The following TPRG1 variants were observed in gnomAD, a reference collection of about 807,000 sequenced individuals.
TPRG1 encodes tumor protein p63-regulated gene 1 protein.
In TPRG1, 29 loss-of-function variants were observed where a neutral mutation model predicts 29.3. The ratio of observed to expected loss-of-function variants is 0.99; its 90% CI spans 0.74 to 1.35. The LOEUF (loss-of-function observed/expected upper bound fraction) is 1.35, where lower values mean the gene tolerates loss of function less well. Ranked by LOEUF, TPRG1 falls within the 40% of genes most tolerant of loss-of-function variation. The pLI, the probability that TPRG1 is intolerant of heterozygous loss-of-function variation, is 0.00. For missense variants in TPRG1, 327 were observed against 335.0 expected (o/e 0.98, Z 0.19); for synonymous variants, 130 against 116.8 (o/e 1.11, Z -0.73).
chr3:189,308,233 C>T (rs116621879), intron 4 of TPRG1, among the ~76,000 whole-genome samples: 486 of 152,276 alleles, frequency 3.2e-3, no homozygotes, highest in African/African-American at 0.011. Context: ...CCCATAGTCA[C>T]GCAATGTTAA....
At chr3:189,317,646 C>G (rs1296172915) in intron 5 of TPRG1, among the ~76,000 whole-genome samples, 1 of 152,202 alleles carries the variant, frequency 6.6e-6, no homozygotes, top group Non-Finnish European at 1.5e-5. Flanking sequence ...GACCCCTCTG[C>G]CTGATCCTAT....
intron 3 of TPRG1, among the ~76,000 whole-genome samples, chr3:189,237,336 T>G (rs1739670388): frequency 6.6e-6 from 1 of 151,964 alleles, no homozygotes; most frequent in African/African-American, 2.4e-5. Flanking sequence ...GGGTTGGTGC[T>G]CAGCCTACTC....
chr3:189,294,596 C>T (rs114342541), intron 4 of TPRG1, among the ~76,000 whole-genome samples: 3,893 of 152,142 alleles, frequency 0.026, 68 homozygotes, highest in Non-Finnish European at 0.04. Flanking sequence ...GGGTGTGTAT[C>T]GCAGGGGGAA....
intron 1 of TPRG1, among the ~76,000 whole-genome samples, chr3:189,205,123 A>G (rs546156149): frequency 2.5e-4 from 38 of 152,294 alleles, no homozygotes; most frequent in Admixed American, 8.5e-4. Context: ...TACTGGGGGC[A>G]TGGTTGGGAG....
intron 4 of TPRG1, among the ~76,000 whole-genome samples, chr3:189,065,699 A>G (rs1716393467): frequency 6.6e-6 from 1 of 152,154 alleles, no homozygotes; most frequent in Non-Finnish European, 1.5e-5. Flanking sequence ...ACTGTAGCTA[A>G]TATCATACTT....
intron 4 of TPRG1, among the ~76,000 whole-genome samples, chr3:189,250,501 T>TCCCC (rs1347491782): frequency 2.3e-4 from 7 of 31,030 alleles, no homozygotes; most frequent in Non-Finnish European, 4.1e-4. Context: ...AGTTCTGATT[T>TCCCC]CCGCCCCCCC....
chr3:189,014,368 G>A (rs1035514981), intron 3 of TPRG1, among the ~76,000 whole-genome samples: 8 of 152,130 alleles, frequency 5.3e-5, no homozygotes, highest in Non-Finnish European at 8.8e-5. Flanking sequence ...GGTTTCCACT[G>A]AAAGGCCTAC....
chr3:189,105,960 CGATG>C (rs1560449734), intron 1 of TPRG1, among the ~76,000 whole-genome samples: 2 of 151,944 alleles, frequency 1.3e-5, no homozygotes, highest in African/African-American at 4.8e-5. Context: ...AATACCTAGG[CGATG>C]GGTTGACAGG....
At chr3:189,225,305 G>A (rs1737564314) in intron 3 of TPRG1, among the ~76,000 whole-genome samples, 2 of 152,090 alleles carry the variant, frequency 1.3e-5, no homozygotes, top group African/African-American at 2.4e-5. Context: ...TTATACCAAG[G>A]TAATAAAGTC....
intron 1 of TPRG1, among the ~76,000 whole-genome samples, chr3:189,206,152 T>G (rs1332212755): frequency 6.6e-6 from 1 of 150,690 alleles, no homozygotes; most frequent in Non-Finnish European, 1.5e-5. Flanking sequence ...CTTCTTTATC[T>G]TTCTTCTCTT....
intron 3 of TPRG1, among the ~76,000 whole-genome samples, chr3:189,019,235 C>G (rs950753188): frequency 6.6e-6 from 1 of 151,756 alleles, no homozygotes; most frequent in Non-Finnish European, 1.5e-5. Flanking sequence ...CCTTCTCCTG[C>G]CTAATTGCCC....
chr3:189,231,220 A>G (rs1738584800), intron 3 of TPRG1, among the ~76,000 whole-genome samples: 1 of 150,750 alleles, frequency 6.6e-6, no homozygotes, highest in Non-Finnish European at 1.5e-5. Flanking sequence ...ACTGACAGAA[A>G]CCTTTTTCTC....
chr3:189,303,607 G>A lies in TPRG1; in HGVS notation c.480-6779G>A, dbSNP rs80235533. ...TAACACTCTAAAAATGGAATAATAT[G>A]ACATTCAAATTGACAGGCATCCTAA... is the stretch of plus-strand genomic sequence containing the variant. On this transcript the variant is annotated intron_variant, in intron 4 of 5. Transcript: ENST00000345063. Among the ~76,000 whole-genome samples, 510 of 152,204 alleles carry A rather than the reference G, an allele frequency of 3.4e-3. 3 individuals carry two copies. The highest frequency in any genetic ancestry group is 0.012 in the African/African-American group (486 of 41,524).
intron 4 of TPRG1, among the ~76,000 whole-genome samples, chr3:189,252,592 C>A (rs1579048649): frequency 2.0e-5 from 3 of 152,254 alleles, no homozygotes; most frequent in Admixed American, 6.5e-5. Flanking sequence ...GGTTCCCTGA[C>A]AATTAACTAC....
At chr3:189,218,586 C>G (rs1480549767) in intron 3 of TPRG1, among the ~76,000 whole-genome samples, 1 of 152,152 alleles carries the variant, frequency 6.6e-6, no homozygotes, top group Non-Finnish European at 1.5e-5. Flanking sequence ...AGAGTAAAAG[C>G]CCTTTTACTG....
chr3:189,219,009 T>A (rs1490922408), intron 3 of TPRG1, among the ~76,000 whole-genome samples: 1 of 152,214 alleles, frequency 6.6e-6, no homozygotes, highest in Non-Finnish European at 1.5e-5. Context: ...GTTGAGAAAG[T>A]GCAATCAATT....
At chr3:189,248,650 T>C (rs1456232124) in intron 4 of TPRG1, among the ~76,000 whole-genome samples, 1 of 151,260 alleles carries the variant, frequency 6.6e-6, no homozygotes. Flanking sequence ...TTATATTTCA[T>C]ATATCCTAAT....
At chr3:189,034,413 G>T (rs1388069815) in intron 4 of TPRG1, among the ~76,000 whole-genome samples, 1 of 152,112 alleles carries the variant, frequency 6.6e-6, no homozygotes, top group Non-Finnish European at 1.5e-5. Context: ...AGCAAATTAA[G>T]ATAGCAATTT....
At chr3:189,024,154 G>C (rs899505730) in intron 4 of TPRG1, among the ~76,000 whole-genome samples, 4 of 152,258 alleles carry the variant, frequency 2.6e-5, no homozygotes, top group African/African-American at 9.6e-5. Context: ...CTCCATCCCA[G>C]GGAGAAATTA....
Sources: gnomAD v4.1 joint callset for allele counts (sites outside exome capture counted in the v4.1 genomes callset) on GRCh38, gnomAD v4.1.1 for gene constraint, MANE v1.5 for transcripts, NCBI Gene and HGNC (gene_info 2026-07-23, HGNC 2026-07-21) for gene names.